Variants in TMEM108 observed in about 807,000 individuals in gnomAD.
TMEM108 encodes the protein cancer/testis antigen 124.
Under a neutral mutation model 35.1 loss-of-function variants are expected in TMEM108, and 12 were observed. The ratio of observed to expected loss-of-function variants is 0.34; its 90% CI spans 0.22 to 0.55. The LOEUF is 0.55. TMEM108 is among the 20% of genes least tolerant of loss of function. TMEM108 has a pLI of 0.89. For missense variants in TMEM108, 680 were observed against 753.3 expected (o/e 0.90, Z 1.14); for synonymous variants, 287 against 308.6 (o/e 0.93, Z 0.73).
At chr3:133,110,411 T>C (rs1202339792) in intron 2 of TMEM108, among the ~76,000 whole-genome samples, 1 of 152,150 alleles carries the variant, frequency 6.6e-6, no homozygotes, top group Non-Finnish European at 1.5e-5. Flanking sequence ...CACCAGTAGG[T>C]TATTTTCTAC....
At chr3:133,121,805 G>C (rs928776851) in intron 2 of TMEM108, among the ~76,000 whole-genome samples, 1 of 152,148 alleles carries the variant, frequency 6.6e-6, no homozygotes, top group Non-Finnish European at 1.5e-5. Flanking sequence ...TCTCGAGTTT[G>C]TAAGAAAAAA....
rs1039505432 is a variant in TMEM108, at chr3:133,302,621, C to T, written c.40+73270C>T. ...ATTTTTAGTAGGGATGGGGTTTCAC[C>T]GTGTGAGCCAGGATGGTCTCGATCT... is the stretch of plus-strand genomic sequence containing the variant. On this transcript the variant is annotated intron_variant, in intron 3 of 5. Transcript: ENST00000321871. Among the ~76,000 whole-genome samples the T allele has an allele frequency of 1.5e-4, 23 of 151,806 alleles. 1 individual carries two copies. Among genetic ancestry groups the T allele is most frequent in the African/African-American group, 5.3e-4 (22 of 41,292 alleles).
At chr3:133,278,966 G>A (rs1407166328) in intron 3 of TMEM108, among the ~76,000 whole-genome samples, 1 of 152,160 alleles carries the variant, frequency 6.6e-6, no homozygotes, top group Non-Finnish European at 1.5e-5. Context: ...GAAAGTTTGA[G>A]GAGCTCTGAG....
chr3:133,342,761 T>A (rs1269188862), intron 3 of TMEM108, among the ~76,000 whole-genome samples: 1 of 149,542 alleles, frequency 6.7e-6, no homozygotes, highest in Non-Finnish European at 1.5e-5. Context: ...CTGAGAAGGG[T>A]GGAAGTAGGG....
chr3:133,195,909 A>G (rs910323978), intron 2 of TMEM108, among the ~76,000 whole-genome samples: 1 of 152,168 alleles, frequency 6.6e-6, no homozygotes, highest in Non-Finnish European at 1.5e-5. Context: ...ATGTTTCTTT[A>G]ATTTCCCTTT....
chr3:133,325,987 G>C (rs2071328195), intron 3 of TMEM108, among the ~76,000 whole-genome samples: 1 of 152,108 alleles, frequency 6.6e-6, no homozygotes, highest in Non-Finnish European at 1.5e-5. Flanking sequence ...ATTGAAGGGA[G>C]TATAAATAAA....
Position 133,082,966 on chromosome 3 carries a change from G to C in TMEM108, c.-47+36946G>C, listed in dbSNP as rs79575352. On this transcript the variant is annotated intron_variant, in intron 2 of 5. Transcript: ENST00000321871. ...ACCATACTTGGCCTGTAAACTTTTT[G>C]TACAAAATACTCATTTAATGCCCAC... 3.5e-3 allele frequency among the ~76,000 whole-genome samples: 538 copies of C among 152,152 alleles called. 3 individuals are homozygous for C. Among genetic ancestry groups the C allele is most frequent in the African/African-American group, 0.012 (515 of 41,512 alleles).
At chr3:133,073,814 A>G (rs1310469447) in intron 2 of TMEM108, among the ~76,000 whole-genome samples, 1 of 151,930 alleles carries the variant, frequency 6.6e-6, no homozygotes, top group African/African-American at 2.4e-5. Context: ...CATCCTTACC[A>G]ACACTTATCT....
chr3:133,073,510 C>CTCTCTATATATATATATATA, intron 2 of TMEM108, among the ~76,000 whole-genome samples: 31 of 43,884 alleles, frequency 7.1e-4, no homozygotes, highest in South Asian at 1.7e-3. Context: ...CTCTCTCTCT[C>CTCTCTATATATATATATATA]TATATATATA....
chr3:133,123,787 A>G (rs1944382356), intron 2 of TMEM108, among the ~76,000 whole-genome samples: 3 of 152,220 alleles, frequency 2.0e-5, no homozygotes, highest in Admixed American at 2.0e-4. Context: ...GATAGTGTCC[A>G]CCCATGTCAA....
intron 2 of TMEM108, among the ~76,000 whole-genome samples, chr3:133,219,701 A>G (rs1438315087): frequency 6.6e-6 from 1 of 152,118 alleles, no homozygotes; most frequent in Non-Finnish European, 1.5e-5. Flanking sequence ...TGGAAAATAT[A>G]TTTCATGTGA....
chr3:133,383,501 C>G (rs367556576), intron 4 of TMEM108, among the ~76,000 whole-genome samples: 2 of 152,200 alleles, frequency 1.3e-5, no homozygotes, highest in East Asian at 1.9e-4. Context: ...ATGGGCCTCC[C>G]TCTTTGAGCT....
intron 3 of TMEM108, among the ~76,000 whole-genome samples, chr3:133,297,067 T>C (rs935403707): frequency 6.6e-6 from 1 of 152,200 alleles, no homozygotes; most frequent in Non-Finnish European, 1.5e-5. Context: ...GTCCGAACAA[T>C]ATCAGGCTAA....
At chr3:133,139,471 G>A (rs1270429730) in intron 2 of TMEM108, among the ~76,000 whole-genome samples, 1 of 152,198 alleles carries the variant, frequency 6.6e-6, no homozygotes, top group Non-Finnish European at 1.5e-5. Flanking sequence ...TGATATAGAT[G>A]ACCCATAGTG....
intron 2 of TMEM108, among the ~76,000 whole-genome samples, chr3:133,093,283 G>A (rs191868147): frequency 2.7e-4 from 41 of 152,236 alleles, no homozygotes; most frequent in Middle Eastern, 6.8e-3. Context: ...GAGCCACCGC[G>A]CCCGGTCATA....
intron 3 of TMEM108, among the ~76,000 whole-genome samples, chr3:133,306,613 G>A (rs532308676): frequency 2.5e-3 from 376 of 152,238 alleles, no homozygotes; most frequent in Middle Eastern, 6.8e-3. Flanking sequence ...GAGAGCATGC[G>A]GTGTTTGGTT....
chr3:133,264,488 A>G (rs1946669830), intron 3 of TMEM108, among the ~76,000 whole-genome samples: 1 of 152,238 alleles, frequency 6.6e-6, no homozygotes, highest in Admixed American at 6.5e-5. Context: ...CTCAGCAAGA[A>G]GCCAACTAAC....
At chr3:133,126,137 G>A (rs1944412493) in intron 2 of TMEM108, among the ~76,000 whole-genome samples, 4 of 152,132 alleles carry the variant, frequency 2.6e-5, no homozygotes, top group African/African-American at 9.7e-5. Flanking sequence ...TGACAAAGAA[G>A]CCCAAGTATA....
chr3:133,285,442 T>C (rs1286121089), intron 3 of TMEM108, among the ~76,000 whole-genome samples: 1 of 152,208 alleles, frequency 6.6e-6, no homozygotes. Context: ...TATTCTCCAC[T>C]GGGACAGCAG....
Sources: gnomAD v4.1 joint callset for allele counts (sites outside exome capture counted in the v4.1 genomes callset) on GRCh38, gnomAD v4.1.1 for gene constraint, MANE v1.5 for transcripts, NCBI Gene and HGNC (gene_info 2026-07-23, HGNC 2026-07-21) for gene names.